Variants in CCDC112 observed in about 807,000 individuals in gnomAD.
The protein encoded by CCDC112 is coiled-coil domain containing 112.
CCDC112 carries 40 observed loss-of-function variants against 66.3 expected under a neutral mutation model. That is an observed-to-expected ratio of 0.60 (90% confidence interval 0.47 to 0.79). The LOEUF is 0.79. Ranked by LOEUF, CCDC112 falls within the 30% of genes least tolerant of loss-of-function variation. The pLI is 0.00. For missense variants in CCDC112, 659 were observed against 603.8 expected, an observed-to-expected ratio of 1.09 and a Z score of -0.96; for synonymous variants, 214 against 197.2, an observed-to-expected ratio of 1.09 and a Z score of -0.71.
chr5:115,267,826 A>G lies in CCDC112; in HGVS notation c.*50T>C. 7.2e-7 allele frequency: 1 copy of G among 1,394,960 alleles called. No homozygotes were observed. Among genetic ancestry groups the G allele is most frequent in the Non-Finnish European group, 1.0e-6 (1 of 980,970 alleles). The allele number at this position is 1,394,960 out of a possible 1,614,324, so 86.4% of individuals were successfully genotyped here. A position where few individuals can be genotyped will look rare whatever the true frequency, so the allele number is the denominator to read the frequency against. On this transcript the variant is annotated 3_prime_UTR_variant, in exon 10 of 10. Coordinates refer to ENST00000379611, the MANE Select transcript of CCDC112 (RefSeq NM_001040440.3). ...TGTGGTTAGTCACTCTCTCCCTGGT[A>G]TAACTTAGTATGTTAACATTCTTAT...
intron 1 of CCDC112, 93 bp downstream of exon 1, chr5:115,296,334 G>A: frequency 7.3e-7 from 1 of 1,370,792 alleles, no homozygotes; most frequent in Non-Finnish European, 9.4e-7. Context: ...CGAACGCCGC[G>A]CCTCCCGCCG....
At chr5:115,276,125 T>A in intron 4 of CCDC112, 56 bp from the exon 5 acceptor site, 1 of 1,207,102 alleles carries the variant, frequency 8.3e-7, no homozygotes, top group Non-Finnish European at 1.2e-6. Context: ...GGCTAAAAGT[T>A]AAATATTAGG....
At chr5:115,285,028 T>C (rs562604320) in intron 1 of CCDC112, 120 bp from the exon 2 acceptor site, 1 of 826,524 alleles carries the variant, frequency 1.2e-6, no homozygotes, top group African/African-American at 1.7e-5. Flanking sequence ...TTGGGGCCAA[T>C]CTCACTTAAC....
intron 1 of CCDC112, among the ~76,000 whole-genome samples, chr5:115,288,312 T>A (rs772623578): frequency 6.6e-6 from 1 of 152,228 alleles, no homozygotes; most frequent in Non-Finnish European, 1.5e-5. Context: ...CTCCAGTGAC[T>A]TTCCAGCTTA....
At chr5:115,270,312 T>A (rs892173040) in intron 7 of CCDC112, among the ~76,000 whole-genome samples, 1 of 152,134 alleles carries the variant, frequency 6.6e-6, no homozygotes, top group African/African-American at 2.4e-5. Context: ...CCTCCCTTAG[T>A]TTTTTGCTTT....
chr5:115,296,423 T>A lies in CCDC112; in HGVS notation c.117+4A>T. Reference sequence around the variant, plus strand: ...AGAGCAGCTCTCGGTTCTCCCGGATTTACCTGTTGAGGCGCTGGCGTCGCT... The same window carrying A: ...AGAGCAGCTCTCGGTTCTCCCGGATATACCTGTTGAGGCGCTGGCGTCGCT... On this transcript the variant is annotated splice_donor_region_variant and intron_variant, in intron 1 of 9. Transcript: ENST00000379611. The A allele has an allele frequency of 6.4e-7, 1 of 1,567,712 alleles. No individual in the cohort carries two copies. Among genetic ancestry groups the A allele is most frequent in the Non-Finnish European group, 8.6e-7 (1 of 1,165,482 alleles).
At chr5:115,272,925 A>G (rs1472401607) in intron 6 of CCDC112, among the ~76,000 whole-genome samples, 1 of 152,180 alleles carries the variant, frequency 6.6e-6, no homozygotes, top group African/African-American at 2.4e-5. Context: ...GCTTCTTTCA[A>G]TGTGAAAATT....
chr5:115,268,520 C>T (rs892371941), intron 9 of CCDC112, among the ~76,000 whole-genome samples: 2 of 151,828 alleles, frequency 1.3e-5, no homozygotes, highest in African/African-American at 2.4e-5. Context: ...ATCCGTCCTC[C>T]TTGGCCTCCC....
At chr5:115,272,151 G>A (rs574559169) in intron 6 of CCDC112, among the ~76,000 whole-genome samples, 12 of 152,084 alleles carry the variant, frequency 7.9e-5, no homozygotes, top group African/African-American at 2.9e-4. Context: ...TTGAACTCCT[G>A]ACCTCAGGTG....
Position 115,276,952 on chromosome 5 carries a change from T to C in CCDC112, c.451+13A>G. ...AACACATAAGAAAGATTATAATATC[T>C]AAATTTACTTACAATCAGGTGTAGG... is the stretch of plus-strand genomic sequence containing the variant. On this transcript the variant is annotated intron_variant, in intron 4 of 9. Transcript: ENST00000379611. The C allele has an allele frequency of 6.7e-7, 1 of 1,492,804 alleles. No homozygotes were observed. The highest frequency in any genetic ancestry group is 9.3e-7 in the Non-Finnish European group (1 of 1,075,840). The allele number at this position is 1,492,804 out of a possible 1,614,324, so 92.5% of individuals were successfully genotyped here.
At chr5:115,285,662 T>A (rs1241579361) in intron 1 of CCDC112, among the ~76,000 whole-genome samples, 1 of 152,122 alleles carries the variant, frequency 6.6e-6, no homozygotes, top group Non-Finnish European at 1.5e-5. Context: ...TTTAGGTCAC[T>A]TAGGGGGTCT....
chr5:115,275,652 A>G, intron 5 of CCDC112, 46 bp from the exon 6 acceptor site: 1 of 1,367,710 alleles, frequency 7.3e-7, no homozygotes, highest in East Asian at 2.3e-5. Flanking sequence ...AATCCATATT[A>G]ACCCTTAATT....
chr5:115,294,858 C>T (rs1004334587), intron 1 of CCDC112, among the ~76,000 whole-genome samples: 22 of 152,138 alleles, frequency 1.4e-4, no homozygotes, highest in Admixed American at 6.5e-5. Flanking sequence ...TGCAGTAATG[C>T]TGCATTGTTT....
chr5:115,296,568 C>A lies in CCDC112; in HGVS notation c.-25G>T. ...TGTTTACCCGCCGAGCTACTCGGGC[C>A]GCGGCGGCCACCGGTGCCTGGGGAT... On this transcript the variant is annotated 5_prime_UTR_variant, in exon 1 of 10. Transcript: ENST00000379611. 7 of 1,447,420 alleles carry A rather than the reference C, an allele frequency of 4.8e-6. No homozygotes were observed. The highest frequency in any genetic ancestry group is 6.3e-6 in the Non-Finnish European group (7 of 1,103,666). The allele number at this position is 1,447,420 out of a possible 1,614,324, so 89.7% of individuals were successfully genotyped here.
At chr5:115,273,542 G>A (rs59414150) in intron 6 of CCDC112, among the ~76,000 whole-genome samples, 2,395 of 152,038 alleles carry the variant, frequency 0.016, 33 homozygotes, top group African/African-American at 0.043. Flanking sequence ...TGCTCATATC[G>A]TATCAAACTG....
At chr5:115,287,664 C>T (rs866844156) in intron 1 of CCDC112, among the ~76,000 whole-genome samples, 3 of 150,254 alleles carry the variant, frequency 2.0e-5, no homozygotes, top group Middle Eastern at 6.5e-3. Context: ...ATAAGTTACC[C>T]GAAGTAAACA....
At chr5:115,282,926 T>C (rs1360526633) in intron 2 of CCDC112, among the ~76,000 whole-genome samples, 1 of 152,134 alleles carries the variant, frequency 6.6e-6, no homozygotes, top group Non-Finnish European at 1.5e-5. Flanking sequence ...TCTAATATTC[T>C]TTCAGTGAGT....
intron 6 of CCDC112, among the ~76,000 whole-genome samples, chr5:115,273,131 A>C (rs530139193): frequency 5.3e-5 from 8 of 152,334 alleles, no homozygotes; most frequent in African/African-American, 1.9e-4. Context: ...AAAGGTGTTA[A>C]GTGTCAGTGA....
intron 6 of CCDC112, among the ~76,000 whole-genome samples, chr5:115,272,949 A>G (rs1446492610): frequency 1.3e-5 from 2 of 152,238 alleles, no homozygotes; most frequent in Non-Finnish European, 2.9e-5. Flanking sequence ...TATGGAAAAA[A>G]AAAAGTCAAT....
Sources: allele counts gnomAD v4.1 joint callset (sites outside exome capture counted in the v4.1 genomes callset), GRCh38; gene constraint gnomAD v4.1.1; transcripts MANE v1.5; gene names NCBI Gene and HGNC (gene_info 2026-07-23, HGNC 2026-07-21).